The following AKR1D1 variants were observed in gnomAD, a reference collection of about 807,000 sequenced individuals.
AKR1D1 encodes the protein aldo-keto reductase family 1 member D1.
Under a neutral mutation model 42.6 loss-of-function variants are expected in AKR1D1, and 32 were observed. The ratio of observed to expected loss-of-function variants is 0.75; its 90% confidence interval spans 0.57 to 1.01. The LOEUF (loss-of-function observed/expected upper bound fraction) is 1.01, where lower values mean the gene tolerates loss of function less well. Among genes scored for constraint, AKR1D1 ranks in the 50% least tolerant of loss-of-function variants. The pLI, the probability that AKR1D1 is intolerant of heterozygous loss-of-function variation, is 0.00. For missense variants in AKR1D1, 364 were observed against 402.2 expected (o/e 0.91, Z 0.81); for synonymous variants, 123 against 135.5 (o/e 0.91, Z 0.64).
At chr7:138,089,113 C>T (rs777328933) in intron 2 of AKR1D1, among the ~76,000 whole-genome samples, 19 of 151,826 alleles carry the variant, frequency 1.3e-4, no homozygotes, top group East Asian at 1.9e-4. Flanking sequence ...TTCGGGAGGC[C>T]GAGGCAGGTG....
At chr7:138,079,006 A>AT (rs1802998521) in intron 1 of AKR1D1, among the ~76,000 whole-genome samples, 1 of 152,008 alleles carries the variant, frequency 6.6e-6, no homozygotes, top group African/African-American at 2.4e-5. Context: ...TATTTATTTT[A>AT]TTTTTATTAG....
intron 2 of AKR1D1, among the ~76,000 whole-genome samples, chr7:138,090,439 C>A (rs1410404364): frequency 1.3e-5 from 2 of 152,084 alleles, no homozygotes; most frequent in East Asian, 1.9e-4. Context: ...AAGTTCGAGA[C>A]CAGACTGGCC....
intron 1 of AKR1D1, among the ~76,000 whole-genome samples, chr7:138,082,234 G>T (rs1461204870): frequency 6.6e-6 from 1 of 151,972 alleles, no homozygotes; most frequent in Admixed American, 6.6e-5. Flanking sequence ...TCAGATTTTT[G>T]TTTGCTTGTT....
intron 3 of AKR1D1, among the ~76,000 whole-genome samples, chr7:138,094,528 A>T (rs116621729): frequency 0.042 from 6,407 of 151,948 alleles, 467 homozygotes; most frequent in African/African-American, 0.15. Flanking sequence ...AAAAAAAAGA[A>T]AAAAGAGTGG....
At chr7:138,094,490 G>A (rs1464562855) in intron 3 of AKR1D1, among the ~76,000 whole-genome samples, 1 of 152,118 alleles carries the variant, frequency 6.6e-6, no homozygotes, top group East Asian at 1.9e-4. Flanking sequence ...ACTCCAGCCT[G>A]GGTGACAGAG....
chr7:138,114,621 T>C (rs924382102), intron 8 of AKR1D1, among the ~76,000 whole-genome samples: 14 of 142,892 alleles, frequency 9.8e-5, no homozygotes, highest in Non-Finnish European at 1.8e-4. Context: ...GATCATGCCA[T>C]TGCACTCCAG....
chr7:138,100,853 C>T (rs4732290), intron 4 of AKR1D1, among the ~76,000 whole-genome samples: 52 of 151,552 alleles, frequency 3.4e-4, no homozygotes, highest in Middle Eastern at 3.4e-3. Context: ...TATAGGTGCC[C>T]GCCACCACGC....
At chr7:138,078,903 C>A (rs1219052879) in intron 1 of AKR1D1, among the ~76,000 whole-genome samples, 1 of 152,208 alleles carries the variant, frequency 6.6e-6, no homozygotes, top group Non-Finnish European at 1.5e-5. Flanking sequence ...AAAACACCCA[C>A]TACATTTTGC....
Position 138,105,371 on chromosome 7 carries a change from G to A in AKR1D1, c.521G>A (p.Arg174Lys), listed in dbSNP as rs1165017700. 1 of 1,613,968 alleles carries A rather than the reference G, an allele frequency of 6.2e-7. No individual in the cohort carries two copies. Among genetic ancestry groups the A allele is most frequent in the African/African-American group, 1.3e-5 (1 of 74,882 alleles). ...KSLGVSNFNR[R>K]QLELILNKPG... ...CTGGGAGTGTCCAATTTTAACCGCA[G>A]GCAGCTGGAGCTCATCCTGAACAAG... Residue 174 changes from arginine (R) to lysine (K), a missense_variant, in exon 5 of 9, where the codon AGG becomes AAG. Arg to Lys is a conservative substitution (Grantham distance 26, BLOSUM62 2). Transcript: ENST00000242375.
chr7:138,083,713 C>T (rs1803105218), intron 1 of AKR1D1, among the ~76,000 whole-genome samples: 1 of 152,100 alleles, frequency 6.6e-6, no homozygotes, highest in African/African-American at 2.4e-5. Flanking sequence ...AGGAGCTTTA[C>T]AGTTTCTGGT....
In AKR1D1 at chr7:138,107,757, C is replaced by T. The variant is rs546123898; in HGVS notation, c.855+177C>T. Among the ~76,000 whole-genome samples, 6 of 152,260 alleles carry T rather than the reference C, an allele frequency of 3.9e-5. 1 individual carries two copies. In the South Asian group the frequency reaches 8.3e-4, roughly 21 times the overall value. ...ATTTTCATTCAATTTGAGACAATTGCTAGTACTTCAGAGATTGCTTTGCTA... is the reference window on the plus strand; with the variant it reads ...ATTTTCATTCAATTTGAGACAATTGTTAGTACTTCAGAGATTGCTTTGCTA... On this transcript the variant is annotated intron_variant, in intron 7 of 8. Transcript: ENST00000242375.
At chr7:138,111,133 C>A (rs185994005) in intron 7 of AKR1D1, among the ~76,000 whole-genome samples, 4 of 152,268 alleles carry the variant, frequency 2.6e-5, no homozygotes, top group Non-Finnish European at 5.9e-5. Flanking sequence ...CTAATAAATC[C>A]TCCATAGCCT....
At chr7:138,096,239 T>G (rs187764699) in intron 3 of AKR1D1, among the ~76,000 whole-genome samples, 2 of 151,600 alleles carry the variant, frequency 1.3e-5, no homozygotes, top group East Asian at 3.9e-4. Context: ...GGAAAAAGAA[T>G]GCTATCATTC....
chr7:138,107,675 C>G (rs1322935945), intron 7 of AKR1D1, 95 bp downstream of exon 7: 1 of 1,287,622 alleles, frequency 7.8e-7, no homozygotes, highest in East Asian at 2.4e-5. Context: ...ACCTGTAACA[C>G]TCTCATATTT....
At chr7:138,105,807 C>T (rs749751785) in intron 5 of AKR1D1, among the ~76,000 whole-genome samples, 4 of 152,056 alleles carry the variant, frequency 2.6e-5, no homozygotes, top group Non-Finnish European at 5.9e-5. Context: ...ATTGCTTAAA[C>T]CCGGGAGGTG....
chr7:138,092,816 G>A (rs1465161188), intron 3 of AKR1D1, among the ~76,000 whole-genome samples: 1 of 152,130 alleles, frequency 6.6e-6, no homozygotes, highest in Non-Finnish European at 1.5e-5. Flanking sequence ...ACCATGAATG[G>A]AGCTTGCAGG....
intron 4 of AKR1D1, among the ~76,000 whole-genome samples, chr7:138,101,166 T>G: frequency 3.4e-5 from 1 of 29,822 alleles, no homozygotes; most frequent in Middle Eastern, 0.025. Flanking sequence ...CCTCCCTCCC[T>G]CCCTCCCTCC....
rs59361346 is a variant in AKR1D1 at position 138,100,088 on chromosome 7, C to CAAAAAAAA, written c.456+2168_456+2175dup. On this transcript the variant is annotated intron_variant, in intron 4 of 8. Transcript: ENST00000242375. ...TGGGCAATATAGCGAGATTTCATCT[C>CAAAAAAAA]AAAAAAAAAAAAAAAAAAAAAAAAA... Among the ~76,000 whole-genome samples, 28 of 43,566 alleles carry CAAAAAAAA rather than the reference C, an allele frequency of 6.4e-4. 1 individual carries two copies. Among genetic ancestry groups the CAAAAAAAA allele is most frequent in the East Asian group, 2.0e-3 (2 of 996 alleles). 28.6% of individuals were successfully genotyped at this position (43,566 alleles called of 152,430 possible).
At chr7:138,085,595 C>T (rs1178631526) in intron 1 of AKR1D1, among the ~76,000 whole-genome samples, 1 of 151,974 alleles carries the variant, frequency 6.6e-6, no homozygotes, top group Non-Finnish European at 1.5e-5. Flanking sequence ...CAGGTGTCTA[C>T]CACCACGCCT....
Sources: gnomAD v4.1 joint callset for allele counts (sites outside exome capture counted in the v4.1 genomes callset) on GRCh38, gnomAD v4.1.1 for gene constraint, MANE v1.5 for transcripts, NCBI Gene and HGNC (gene_info 2026-07-23, HGNC 2026-07-21) for gene names.